GCH1: variants seen among roughly 807,000 people sequenced by gnomAD.
The protein encoded by GCH1 is GTP cyclohydrolase 1.
A neutral mutation model predicts 25.9 loss-of-function variants in GCH1; 5 were observed. The observed-to-expected ratio is 0.19, with a 90% CI of 0.10 to 0.41. The LOEUF (loss-of-function observed/expected upper bound fraction) is 0.41, where lower values mean the gene tolerates loss of function less well. GCH1 is among the 10% of genes least tolerant of loss of function. The pLI, the probability that GCH1 is intolerant of heterozygous loss-of-function variation, is 1.00. For missense variants in GCH1, 261 were observed against 336.5 expected (o/e 0.78, Z 1.75); for synonymous variants, 159 against 129.6 (o/e 1.23, Z -1.54).
chr14:54,859,356 C>A (rs913720815), intron 3 of GCH1: 2 of 344,052 alleles, frequency 5.8e-6, no homozygotes, highest in African/African-American at 4.2e-5. Flanking sequence ...GTTAGCTAAA[C>A]CCCCCTTAAA....
chr14:54,872,356 A>G (rs984417907), intron 1 of GCH1, among the ~76,000 whole-genome samples: 3 of 152,192 alleles, frequency 2.0e-5, no homozygotes, highest in Non-Finnish European at 2.9e-5. Context: ...AGCACTAAAC[A>G]TGGAAAGGAA....
intron 1 of GCH1, among the ~76,000 whole-genome samples, chr14:54,869,166 G>A (rs2040032299): frequency 6.6e-6 from 1 of 151,900 alleles, no homozygotes; most frequent in Non-Finnish European, 1.5e-5. Flanking sequence ...AGCCTCCCGA[G>A]TAGCTGGGAC....
At chr14:54,899,637 T>C (rs1272031081) in intron 1 of GCH1, among the ~76,000 whole-genome samples, 1 of 152,116 alleles carries the variant, frequency 6.6e-6, no homozygotes, top group African/African-American at 2.4e-5. Flanking sequence ...TGTCTTTATA[T>C]TGTGGTAAAA....
intron 1 of GCH1, among the ~76,000 whole-genome samples, chr14:54,890,082 A>T (rs1270423244): frequency 6.6e-6 from 1 of 152,234 alleles, no homozygotes; most frequent in Admixed American, 6.5e-5. Context: ...GCCAGTTAAG[A>T]GGTTATTGTA....
In GCH1 at chr14:54,902,780, A is replaced by C. The variant is rs1167160326; in HGVS notation, c.-117T>G. The C allele has an allele frequency of 5.3e-6, 7 of 1,314,090 alleles. No individual in the cohort carries two copies. In the South Asian group the frequency reaches 1.4e-4, roughly 26 times the overall value. 81.4% of individuals were successfully genotyped at this position (1,314,090 alleles called of 1,614,324 possible). On this transcript the variant is annotated 5_prime_UTR_variant, in exon 1 of 6. Transcript: ENST00000491895. ...GTGGCCGGAGTCACCTGAGGAAGGT[A>C]CGCAACCTGCTTAGATCACACTCCG...
chr14:54,855,376 C>T (rs940707219), intron 3 of GCH1, among the ~76,000 whole-genome samples: 1 of 151,928 alleles, frequency 6.6e-6, no homozygotes. Context: ...CGTGGTGGTA[C>T]ACGCCTGTAA....
At position 54,902,784 on chromosome 14, in the gene GCH1, A is replaced by G. The variant is rs1753589; in HGVS notation, c.-121T>C. ...CCGGAGTCACCTGAGGAAGGTACGC[A>G]ACCTGCTTAGATCACACTCCGAGCC... On this transcript the variant is annotated 5_prime_UTR_variant, in exon 1 of 6. Coordinates refer to ENST00000491895, the MANE Select transcript of GCH1 (RefSeq NM_000161.3). The G allele has an allele frequency of 0.99, 1,276,726 of 1,294,014 alleles. 630,444 individuals are homozygous for G. Among genetic ancestry groups the G allele is most frequent in the Non-Finnish European group, 1 (1,009,580 of 1,012,204 alleles). The allele number at this position is 1,294,014 out of a possible 1,614,324, so 80.2% of individuals were successfully genotyped here.
At position 54,880,776 on chromosome 14, in the gene GCH1, TATATATATATACTCC is replaced by T. The variant is rs1389107860; in HGVS notation, c.344-15355_344-15341del. On this transcript the variant is annotated intron_variant, in intron 1 of 5. Coordinates refer to ENST00000491895, the MANE Select transcript of GCH1 (RefSeq NM_000161.3). ...ACTCCATATATATATATATACTCCA[TATATATATATACTCC>T]ATATATATATATATACTCCATATAT... Among the ~76,000 whole-genome samples, 11 of 70,464 alleles carry T rather than the reference TATATATATATACTCC, an allele frequency of 1.6e-4. 1 individual carries two copies. Among genetic ancestry groups the T allele is most frequent in the South Asian group, 6.7e-4 (1 of 1,494 alleles). The allele number at this position is 70,464 out of a possible 152,430, so 46.2% of individuals were successfully genotyped here. A position where few individuals can be genotyped will look rare whatever the true frequency, so the allele number is the denominator to read the frequency against.
At chr14:54,883,830 G>A (rs1426864383) in intron 1 of GCH1, among the ~76,000 whole-genome samples, 1 of 152,134 alleles carries the variant, frequency 6.6e-6, no homozygotes. Context: ...GAGGCCTGGG[G>A]CAGGGGTGGG....
intron 1 of GCH1, among the ~76,000 whole-genome samples, chr14:54,872,985 G>A (rs939047282): frequency 1.8e-4 from 27 of 151,676 alleles, no homozygotes; most frequent in Middle Eastern, 3.4e-3. Flanking sequence ...ATTGAACTTA[G>A]CTCTGCACCA....
chr14:54,863,308 G>A (rs992588766), intron 2 of GCH1, among the ~76,000 whole-genome samples: 1 of 151,076 alleles, frequency 6.6e-6, no homozygotes, highest in African/African-American at 2.4e-5. Flanking sequence ...TGTAGTCCCA[G>A]CTACTCAGGA....
At chr14:54,849,402 G>A (rs928352884) in intron 3 of GCH1, among the ~76,000 whole-genome samples, 2 of 152,128 alleles carry the variant, frequency 1.3e-5, no homozygotes, top group African/African-American at 4.8e-5. Context: ...GGTATTTGCT[G>A]GGAACCGAAT....
intron 1 of GCH1, among the ~76,000 whole-genome samples, chr14:54,866,240 G>T (rs1006946658): frequency 6.6e-6 from 1 of 152,086 alleles, no homozygotes; most frequent in African/African-American, 2.4e-5. Flanking sequence ...TTCGGTGACT[G>T]CAAGAACATC....
intron 1 of GCH1, among the ~76,000 whole-genome samples, chr14:54,890,641 T>C (rs1595018643): frequency 1.3e-5 from 2 of 152,256 alleles, no homozygotes; most frequent in Admixed American, 6.5e-5. Flanking sequence ...GCCATTAATA[T>C]TGATCTTTTA....
chr14:54,889,506 C>T (rs2040397597), intron 1 of GCH1, among the ~76,000 whole-genome samples: 1 of 152,146 alleles, frequency 6.6e-6, no homozygotes, highest in Admixed American at 6.5e-5. Flanking sequence ...AGAGCCATGG[C>T]CTCTTAGGAC....
chr14:54,873,565 T>C (rs2140087735), intron 1 of GCH1, among the ~76,000 whole-genome samples: 1 of 152,242 alleles, frequency 6.6e-6, no homozygotes, highest in East Asian at 1.9e-4. Flanking sequence ...AGCTGGTTTT[T>C]TGAAAAGATC....
intron 1 of GCH1, chr14:54,884,787 C>CAAAAAA (rs1449625444): frequency 4.5e-5 from 6 of 132,018 alleles, no homozygotes; most frequent in African/African-American, 2.0e-4. Context: ...ACAACAACAA[C>CAAAAAA]AACAACAACA....
chr14:54,844,622 T>C (rs1175635338), intron 5 of GCH1, among the ~76,000 whole-genome samples: 1 of 152,210 alleles, frequency 6.6e-6, no homozygotes, highest in Non-Finnish European at 1.5e-5. Context: ...ATTCAGATAA[T>C]GGTGACCAGA....
At chr14:54,852,010 G>A (rs543468574) in intron 3 of GCH1, among the ~76,000 whole-genome samples, 29 of 152,250 alleles carry the variant, frequency 1.9e-4, no homozygotes, top group South Asian at 1.0e-3. Flanking sequence ...GGCTGGTCTC[G>A]AACTACTGAC....
Sources: allele counts gnomAD v4.1 joint callset (sites outside exome capture counted in the v4.1 genomes callset), GRCh38; gene constraint gnomAD v4.1.1; transcripts MANE v1.5; gene names NCBI Gene and HGNC (gene_info 2026-07-23, HGNC 2026-07-21).